Variants in ZDHHC24 observed in about 807,000 individuals in gnomAD.
ZDHHC24 encodes zDHHC palmitoyltransferase 24, also known as probable palmitoyltransferase ZDHHC24.
In ZDHHC24, 17 loss-of-function variants were observed where a neutral mutation model predicts 23.2. The observed-to-expected ratio is 0.73, with a 90% CI of 0.50 to 1.10. The LOEUF (loss-of-function observed/expected upper bound fraction) is 1.10. Among genes scored for constraint, ZDHHC24 ranks in the 50% least tolerant of loss-of-function variants. ZDHHC24 has a pLI of 0.00. For missense variants in ZDHHC24, 366 were observed against 393.0 expected, an observed-to-expected ratio of 0.93 and a Z score of 0.58; for synonymous variants, 186 against 194.5, an observed-to-expected ratio of 0.96 and a Z score of 0.36.
chr11:66,530,913 C>T, downstream of ZDHHC24: 4 of 1,614,220 alleles, frequency 2.5e-6, no homozygotes, highest in Non-Finnish European at 3.4e-6. Flanking sequence ...CTTGGCCCCA[C>T]CTTTAAGCTC....
At chr11:66,521,340 C>G (rs372939761) in exon 5 of ZDHHC24, 1 of 1,614,178 alleles carries the variant, frequency 6.2e-7, no homozygotes, top group Non-Finnish European at 8.5e-7. Context: ...CGGCTTGCCG[C>G]GGCCTGCCGC....
chr11:66,525,705 G>T (rs1856459464), intron 4 of ZDHHC24, among the ~76,000 whole-genome samples: 2 of 152,234 alleles, frequency 1.3e-5, no homozygotes, highest in Non-Finnish European at 2.9e-5. Context: ...GGGTAAAGAG[G>T]AGAGAACTGA....
chr11:66,545,850 C>G lies in ZDHHC24; in HGVS notation c.154G>C (p.Ala52Pro). 1.3e-6 allele frequency: 2 copies of G among 1,556,806 alleles called. No homozygotes were observed. The highest frequency in any genetic ancestry group is 1.7e-6 in the Non-Finnish European group (2 of 1,157,108). ...AAGGCGGCCAGCGCCAGCTGCAAGG[C>G]CCGGGCCAGGGGTCCCAGCGGCGGC... ...GPPPLGPLAR[A>P]LQLALAAFQL... Residue 52 changes from alanine (A) to proline (P), a missense_variant, in exon 1 of 3, where the codon GCC becomes CCC. Ala to Pro is a conservative substitution (Grantham distance 27). Transcript: ENST00000310442. The surrounding 1 kb of genome is among the most constrained non-coding windows in gnomAD (Gnocchi z 4.5).
At chr11:66,533,208 T>C (rs1263243873), downstream of ZDHHC24, 1 of 152,072 alleles carries the variant, frequency 6.6e-6, no homozygotes, top group African/African-American at 2.4e-5. Context: ...TAGAGAGAAA[T>C]TGTGAACATT....
intron 2 of ZDHHC24, chr11:66,529,930 A>G: frequency 6.2e-7 from 1 of 1,604,506 alleles, no homozygotes; most frequent in South Asian, 1.1e-5. Context: ...ACAGCCCGAG[A>G]GCCACTCAAG....
chr11:66,528,085 C>T (rs778347368), intron 3 of ZDHHC24, among the ~76,000 whole-genome samples: 17 of 152,126 alleles, frequency 1.1e-4, no homozygotes, highest in African/African-American at 2.4e-4. Context: ...ACAAAATTAG[C>T]TGGGCATGGT....
chr11:66,531,511 C>T, downstream of ZDHHC24: 1 of 1,064,402 alleles, frequency 9.4e-7, no homozygotes, highest in Non-Finnish European at 1.5e-6. Flanking sequence ...CCCCACCACA[C>T]CTGCATCCTC....
chr11:66,520,707 T>G (rs188179508), downstream of ZDHHC24: 4 of 189,004 alleles, frequency 2.1e-5, no homozygotes, highest in Admixed American at 2.1e-4. Flanking sequence ...ACCAATGCTA[T>G]AGACCTTTTT....
At chr11:66,532,099 G>A, downstream of ZDHHC24, 1 of 1,508,128 alleles carries the variant, frequency 6.6e-7, no homozygotes, top group Non-Finnish European at 9.0e-7. Context: ...GGGTTTAGTG[G>A]CCCCAGGCCC....
chr11:66,539,551 T>C lies in ZDHHC24; in HGVS notation c.833A>G (p.Asp278Gly). The stretch of plus-strand genomic sequence containing the variant: ...GAGTCAGGAGGCTGTGTGTCCCACA[T>C]CTGCTGTGGTCTGGAAGGTGATCCC... The part of the protein sequence containing the change: ...GDGITFQTTA[D>G]VGHTAS The change falls in exon 3 of 3, where the codon GAT becomes GGT. Residue 278 changes from aspartate to glycine, a missense_variant. Asp to Gly is a moderately conservative substitution (Grantham distance 94, BLOSUM62 -1). Coordinates refer to ENST00000310442, the MANE Select transcript of ZDHHC24 (RefSeq NM_207340.3). The C allele has an allele frequency of 6.3e-7, 1 of 1,590,180 alleles. No homozygotes were observed. Among genetic ancestry groups the C allele is most frequent in the Non-Finnish European group, 8.6e-7 (1 of 1,167,484 alleles).
downstream of ZDHHC24, chr11:66,532,007 G>A (rs769773058): frequency 1.9e-6 from 3 of 1,607,954 alleles, no homozygotes; most frequent in Non-Finnish European, 2.5e-6. Flanking sequence ...ACGTCAACAT[G>A]CCTGGGAGCG....
Position 66,523,248 on chromosome 11 carries a change from C to G in ZDHHC24, c.*22-1782G>C, listed in dbSNP as rs942455633. The G allele has an allele frequency of 1.8e-5, 13 of 704,134 alleles. No individual in the cohort carries two copies. The African/African-American group carries it at 2.3e-4, about 12-fold the overall frequency. 43.6% of individuals were successfully genotyped at this position (704,134 alleles called of 1,614,324 possible). The stretch of plus-strand genomic sequence containing the variant: ...GTGAAGGTGGGAGGAAGACAAGACA[C>G]CATAGTGAAGGTGGGAGGAAGACAC... On this transcript the variant is annotated intron_variant, in intron 4 of 4. Coordinates refer to the ZDHHC24 transcript ENST00000526986.
In ZDHHC24 at chr11:66,536,578, T is replaced by C. The variant is rs1377613436; in HGVS notation, c.*2951A>G. On this transcript the variant is annotated 3_prime_UTR_variant, in exon 3 of 3. Coordinates refer to ENST00000310442, the MANE Select transcript of ZDHHC24 (RefSeq NM_207340.3). ...CAAAACACACAAAAAAACATGAAAA[T>C]AAGATATTGTGGGCTGGGCGCAGTG... 1 of 142,230 alleles carries C rather than the reference T, an allele frequency of 7.0e-6. No individual in the cohort carries two copies. The highest frequency in any genetic ancestry group is 2.7e-5 in the African/African-American group (1 of 37,150). 8.8% of individuals were successfully genotyped at this position (142,230 alleles called of 1,614,324 possible).
chr11:66,532,427 G>A (rs1003786767), downstream of ZDHHC24: 1 of 208,956 alleles, frequency 4.8e-6, no homozygotes, highest in African/African-American at 2.3e-5. Flanking sequence ...TGCAGGCCAA[G>A]GCCAAAATTG....
rs969612052 is a variant in ZDHHC24, at chr11:66,529,308, G to A, written c.736+4C>T. Reference sequence around the variant, plus strand: ...GGACAGGGAGGCAGTGACGGAGGCAGGACCATGAGGCTGGTTTCCGCAGCA... The same window carrying A: ...GGACAGGGAGGCAGTGACGGAGGCAAGACCATGAGGCTGGTTTCCGCAGCA... On this transcript the variant is annotated splice_donor_region_variant and intron_variant, in intron 3 of 4. Coordinates refer to the ZDHHC24 transcript ENST00000526986. 51 of 1,536,078 alleles carry A rather than the reference G, an allele frequency of 3.3e-5. 1 individual carries two copies. The highest frequency in any genetic ancestry group is 1.7e-4 in the Middle Eastern group (1 of 5,820).
At position 66,526,977 on chromosome 11, in the gene ZDHHC24, G is replaced by A. The variant is rs1212372248; in HGVS notation, c.766C>T (p.Gln256Ter). ...ACAGCCTAGGAGGTACACGTTGCCT[G>A]CAAATCACTGTTCCTCAGGCTGGAA... The change falls in exon 4 of 5, where the codon CAG (glutamine) becomes TAG (stop). Residue 256 changes from glutamine to a stop codon, truncating the protein, a stop_gained. Transcript: ENST00000526986. LOFTEE classifies it high-confidence loss of function. 6.5e-7 allele frequency: 1 copy of A among 1,545,982 alleles called. No homozygotes were observed.
intron 2 of ZDHHC24, 86 bp downstream of exon 2, chr11:66,543,618 A>C (rs1857215154): frequency 1.4e-6 from 2 of 1,447,702 alleles, no homozygotes; most frequent in Non-Finnish European, 1.8e-6. Flanking sequence ...CAGGCCAGAA[A>C]GCCCGTCTCC....
At chr11:66,526,721 C>G (rs1410252393) in intron 4 of ZDHHC24, 1 of 1,614,196 alleles carries the variant, frequency 6.2e-7, no homozygotes, top group African/African-American at 1.3e-5. Flanking sequence ...GTGGGTCCCC[C>G]ACCAGCCCAG....
intron 4 of ZDHHC24, chr11:66,521,498 T>G: frequency 1.3e-6 from 1 of 795,422 alleles, no homozygotes; most frequent in Non-Finnish European, 2.1e-6. Context: ...AGCTGAGAAC[T>G]TCATAAAGGA....
Sources: allele counts gnomAD v4.1 joint callset (sites outside exome capture counted in the v4.1 genomes callset), GRCh38; gene constraint gnomAD v4.1.1; non-coding constraint Gnocchi (gnomAD v3.1); transcripts MANE v1.5; gene names NCBI Gene and HGNC (gene_info 2026-07-23, HGNC 2026-07-21).